Variants in FGF14 observed in about 807,000 individuals in gnomAD.
FGF14 encodes fibroblast growth factor homologous factor 4.
In FGF14, 5 loss-of-function variants were observed where a neutral mutation model predicts 25.5. That is an observed-to-expected ratio of 0.20 (90% CI 0.10 to 0.41). FGF14 has a LOEUF of 0.41. FGF14 is among the 10% of genes least tolerant of loss of function. The pLI is 1.00. For missense variants in FGF14, 222 were observed against 320.1 expected (o/e 0.69, Z 2.34); for synonymous variants, 138 against 118.3 (o/e 1.17, Z -1.08).
intron 4 of FGF14, among the ~76,000 whole-genome samples, chr13:101,724,195 G>A (rs973968104): frequency 6.6e-6 from 1 of 151,988 alleles, no homozygotes; most frequent in African/African-American, 2.4e-5. Flanking sequence ...TTTCTATGTA[G>A]TGAAGTTGTA....
At chr13:101,793,193 T>C (rs9518549) in intron 3 of FGF14, among the ~76,000 whole-genome samples, 123,909 of 152,010 alleles carry the variant, frequency 0.82, 53,074 homozygotes, top group East Asian at 1. Flanking sequence ...CCCCAGCCTC[T>C]GGTAACCACC....
At chr13:102,267,027 G>A (rs1376662727) in intron 1 of FGF14, among the ~76,000 whole-genome samples, 1 of 152,140 alleles carries the variant, frequency 6.6e-6, no homozygotes, top group Non-Finnish European at 1.5e-5. Flanking sequence ...TGAAATAAAA[G>A]ACGATGAAGT....
rs113467349 is a variant in FGF14, at chr13:101,811,258, T to C, written c.408+57467A>G. Among the ~76,000 whole-genome samples the C allele has an allele frequency of 8.5e-3, 1,293 of 152,314 alleles. 9 individuals are homozygous for C. Among genetic ancestry groups the C allele is most frequent in the Non-Finnish European group, 0.014 (977 of 68,032 alleles). On this transcript the variant is annotated intron_variant, in intron 3 of 4. Coordinates refer to ENST00000376143, the MANE Select transcript of FGF14 (RefSeq NM_004115.4). Reference sequence around the variant, plus strand: ...CACTGAAGTGAAAAATCCTCTGTGCTCCACCAATTTATTTCTCCCTCCTCA... The same window carrying C: ...CACTGAAGTGAAAAATCCTCTGTGCCCCACCAATTTATTTCTCCCTCCTCA...
intron 1 of FGF14, among the ~76,000 whole-genome samples, chr13:101,961,365 A>T (rs1219179752): frequency 6.6e-6 from 1 of 152,096 alleles, no homozygotes. Flanking sequence ...AATTTTTGTA[A>T]TACATGTAAG....
At chr13:101,856,908 C>T (rs1288937537) in intron 3 of FGF14, among the ~76,000 whole-genome samples, 1 of 151,958 alleles carries the variant, frequency 6.6e-6, no homozygotes, top group Non-Finnish European at 1.5e-5. Context: ...ACAGGCATCT[C>T]TTTTGCACGT....
At chr13:101,909,507 G>T (rs1440295452) in intron 1 of FGF14, among the ~76,000 whole-genome samples, 1 of 152,148 alleles carries the variant, frequency 6.6e-6, no homozygotes, top group Non-Finnish European at 1.5e-5. Context: ...ATCATCACTG[G>T]CCATCAGAGA....
At chr13:102,314,167 G>A (rs774983460) in intron 1 of FGF14, among the ~76,000 whole-genome samples, 19 of 152,162 alleles carry the variant, frequency 1.2e-4, no homozygotes, top group Non-Finnish European at 2.4e-4. Context: ...TCTGCTGCTT[G>A]TACAGTCAAA....
intron 1 of FGF14, among the ~76,000 whole-genome samples, chr13:102,112,449 G>T (rs750417077): frequency 1.3e-5 from 2 of 151,928 alleles, no homozygotes; most frequent in Non-Finnish European, 2.9e-5. Flanking sequence ...CACACCACCC[G>T]CAAGTTTTGT....
At position 102,135,017 on chromosome 13, in the gene FGF14, CCACACACACACACACA is replaced by C. The variant is rs71125050; in HGVS notation, c.209-259737_209-259722del. 2.5e-3 allele frequency among the ~76,000 whole-genome samples: 362 copies of C among 142,658 alleles called. 1 individual carries two copies. Among genetic ancestry groups the C allele is most frequent in the African/African-American group, 4.1e-3 (155 of 38,204 alleles). 93.6% of individuals were successfully genotyped at this position (142,658 alleles called of 152,430 possible). On this transcript the variant is annotated intron_variant, in intron 1 of 4. Transcript: ENST00000376131. ...TGGGTAACATAGGGAGACCCCGTGTCCACACACACACACACACACACACACACACACACACACACAC... is the reference window on the plus strand; with the variant it reads ...TGGGTAACATAGGGAGACCCCGTGTCCACACACACACACACACACACACAC...
intron 1 of FGF14, among the ~76,000 whole-genome samples, chr13:102,065,424 G>A (rs1281509006): frequency 6.6e-6 from 1 of 152,012 alleles, no homozygotes; most frequent in African/African-American, 2.4e-5. Context: ...CAATGACACA[G>A]TTTAAAACAC....
chr13:102,211,934 G>A (rs138622949), intron 1 of FGF14, among the ~76,000 whole-genome samples: 141 of 152,192 alleles, frequency 9.3e-4, no homozygotes, highest in African/African-American at 2.7e-3. Flanking sequence ...AATTTTTCTC[G>A]TATCAATCCT....
intron 1 of FGF14, among the ~76,000 whole-genome samples, chr13:101,944,593 C>T (rs1444742773): frequency 6.6e-6 from 1 of 152,162 alleles, no homozygotes; most frequent in Admixed American, 6.5e-5. Flanking sequence ...TACCCATGTT[C>T]ATTGCAGTAT....
intron 1 of FGF14, among the ~76,000 whole-genome samples, chr13:102,242,006 AGT>A (rs1360043450): frequency 2.0e-5 from 3 of 152,126 alleles, no homozygotes; most frequent in African/African-American, 7.2e-5. Context: ...TGAAAGGTAC[AGT>A]GGCTTTTGAT....
chr13:102,068,826 G>A (rs2043023480), intron 1 of FGF14, among the ~76,000 whole-genome samples: 1 of 152,214 alleles, frequency 6.6e-6, no homozygotes, highest in Non-Finnish European at 1.5e-5. Flanking sequence ...AAGGTGCCCA[G>A]TCCCATCAAC....
chr13:102,186,114 A>G (rs510940), intron 1 of FGF14, among the ~76,000 whole-genome samples: 1 of 151,844 alleles, frequency 6.6e-6, no homozygotes, highest in Non-Finnish European at 1.5e-5. Flanking sequence ...GGTTAAAAAA[A>G]TATATATATA....
At chr13:102,259,228 G>C (rs1332857555) in intron 1 of FGF14, among the ~76,000 whole-genome samples, 1 of 152,090 alleles carries the variant, frequency 6.6e-6, no homozygotes. Flanking sequence ...CATCCCTCCA[G>C]GTCCATGCCC....
chr13:102,290,630 C>G (rs915125222), intron 1 of FGF14, among the ~76,000 whole-genome samples: 1 of 152,166 alleles, frequency 6.6e-6, no homozygotes, highest in Non-Finnish European at 1.5e-5. Flanking sequence ...AATTCTAGTG[C>G]TGTGCCTGAG....
intron 1 of FGF14, among the ~76,000 whole-genome samples, chr13:102,131,279 G>A (rs2046185654): frequency 6.6e-6 from 1 of 152,314 alleles, no homozygotes; most frequent in South Asian, 2.1e-4. Context: ...AATCCATCAT[G>A]TGACCAGCTG....
At chr13:102,135,130 C>T (rs2046357960) in intron 1 of FGF14, among the ~76,000 whole-genome samples, 1 of 152,052 alleles carries the variant, frequency 6.6e-6, no homozygotes, top group African/African-American at 2.4e-5. Context: ...ATGACTTAAA[C>T]CCACGACTTC....
Sources: gnomAD v4.1 joint callset for allele counts (sites outside exome capture counted in the v4.1 genomes callset) on GRCh38, gnomAD v4.1.1 for gene constraint, MANE v1.5 for transcripts, NCBI Gene and HGNC (gene_info 2026-07-23, HGNC 2026-07-21) for gene names.